ZNF335: variants seen among roughly 807,000 people sequenced by gnomAD.
ZNF335 encodes the protein NRC-interacting factor 1.
Under a neutral mutation model 145.6 loss-of-function variants are expected in ZNF335, and 84 were observed. The observed-to-expected ratio is 0.58, with a 90% CI of 0.48 to 0.69. ZNF335 has a LOEUF of 0.69. Ranked by LOEUF, ZNF335 falls within the 30% of genes least tolerant of loss-of-function variation. ZNF335 has a pLI of 0.00. For synonymous variants in ZNF335, 761 were observed against 717.0 expected (o/e 1.06, Z -0.98); for missense variants, 1,865 against 1,809.7 (o/e 1.03, Z -0.55).
intron 18 of ZNF335, among the ~76,000 whole-genome samples, 155 bp downstream of exon 18, chr20:45,953,534 C>G (rs546532177): frequency 6.6e-6 from 1 of 152,224 alleles, no homozygotes; most frequent in Non-Finnish European, 1.5e-5. Flanking sequence ...AATGGTAGCT[C>G]TTGACCTCCT....
chr20:45,957,534 G>A, intron 17 of ZNF335, 52 bp downstream of exon 17: 2 of 1,560,168 alleles, frequency 1.3e-6, no homozygotes, highest in East Asian at 4.5e-5. Context: ...TCCAGTGCAG[G>A]GCTGGGTACC....
chr20:45,962,062 A>T lies in ZNF335; in HGVS notation c.1646+8T>A, dbSNP rs543622714. Reference sequence around the variant, plus strand: ...TCTTGCCCAGGTCCCTCCCACCCCCACACTGACCGGTCCCGGCTGTGCACA... The same window carrying T: ...TCTTGCCCAGGTCCCTCCCACCCCCTCACTGACCGGTCCCGGCTGTGCACA... On this transcript the variant is annotated splice_region_variant and intron_variant, in intron 10 of 27. Transcript: ENST00000322927. 1.0e-6 allele frequency: 1 copy of T among 992,368 alleles called. No individual in the cohort carries two copies. The highest frequency in any genetic ancestry group is 1.9e-5 in the African/African-American group (1 of 53,846). The allele number at this position is 992,368 out of a possible 1,614,324, so 61.5% of individuals were successfully genotyped here. A position where few individuals can be genotyped will look rare whatever the true frequency, so the allele number is the denominator to read the frequency against.
In ZNF335 at chr20:45,960,692, C is replaced by A. The variant is rs150978634; in HGVS notation, c.1706G>T (p.Arg569Leu). The A allele has an allele frequency of 6.2e-7, 1 of 1,614,086 alleles. No individual in the cohort carries two copies. Among genetic ancestry groups the A allele is most frequent in the Non-Finnish European group, 8.5e-7 (1 of 1,180,020 alleles). The change falls in exon 12 of 28, where the codon CGT becomes CTT. Residue 569 changes from arginine (R) to leucine (L), a missense_variant. Arg to Leu is a moderately radical substitution (Grantham distance 102). Coordinates refer to ENST00000322927, the MANE Select transcript of ZNF335 (RefSeq NM_022095.4). ...GAGTCTTTTCTGCATGGGGTACACA[C>A]GGCCACACACAGGGCAGGGGAAAGA... ...LSSFPCPVCG[R>L]VYPMQKRLTQ...
chr20:45,950,709 C>T (rs1568805107), intron 20 of ZNF335, 114 bp from the exon 21 acceptor site: 1 of 1,452,910 alleles, frequency 6.9e-7, no homozygotes, highest in Admixed American at 1.9e-5. Context: ...CTGGGAAAAC[C>T]AAAATCCTGT....
chr20:45,949,034 T>C lies in ZNF335; in HGVS notation c.3948A>G (p.Thr1316=). 1 of 1,613,942 alleles carries C rather than the reference T, an allele frequency of 6.2e-7. No individual in the cohort carries two copies. Among genetic ancestry groups the C allele is most frequent in the Non-Finnish European group, 8.5e-7 (1 of 1,180,022 alleles). The part of the protein sequence containing the change: ...AMAQAQGLFG[T]DETVPEHIQQ... ...GAATGTGTTCGGGCACTGTCTCGTC[T>C]GTACCAAACAGGCCCTGGGCTTGGG... The change falls in exon 28 of 28, where the codon ACA becomes ACG. Residue 1316 remains threonine (T), a synonymous_variant. Coordinates refer to ENST00000322927, the MANE Select transcript of ZNF335 (RefSeq NM_022095.4).
chr20:45,952,229 C>T lies in ZNF335; in HGVS notation c.3107G>A (p.Ser1036Asn), dbSNP rs779173070. 1.2e-6 allele frequency: 2 copies of T among 1,613,114 alleles called. No homozygotes were observed. Among genetic ancestry groups the T allele is most frequent in the African/African-American group, 1.3e-5 (1 of 74,954 alleles). ...AGGCCCAGCGTGGGCCCGCTTGTGA[C>T]TCTCCATCTCAGCTCGGCCAGGGAA... is the stretch of plus-strand genomic sequence containing the variant. ...EAFPGRAEME[S>N]HKRAHAGPGA... The change falls in exon 20 of 28, where the codon AGT becomes AAT. Residue 1036 changes from serine (S) to asparagine (N), a missense_variant. Coordinates refer to ENST00000322927, the MANE Select transcript of ZNF335 (RefSeq NM_022095.4).
intron 14 of ZNF335, 30 bp downstream of exon 14, chr20:45,960,178 T>A: frequency 6.2e-7 from 1 of 1,611,844 alleles, no homozygotes; most frequent in Non-Finnish European, 8.5e-7. Context: ...TGAGGGCTGG[T>A]GAGTGGGGCT....
intron 17 of ZNF335, among the ~76,000 whole-genome samples, chr20:45,955,587 G>T (rs557759054): frequency 6.6e-6 from 1 of 152,052 alleles, no homozygotes; most frequent in Admixed American, 6.6e-5. Context: ...GGGAGGCCAA[G>T]GCAGGCAGAT....
Position 45,949,354 on chromosome 20 carries a change from G to A in ZNF335, c.3798C>T (p.Ala1266=), listed in dbSNP as rs1568802518. 1 of 1,614,012 alleles carries A rather than the reference G, an allele frequency of 6.2e-7. No homozygotes were observed. The highest frequency in any genetic ancestry group is 1.3e-5 in the African/African-American group (1 of 74,906). Reference sequence around the variant, plus strand: ...CTACCTGGGACTCCTGAAGGAACGGGGCTCCTTGTTCATACTGGATGTGTG... The same window carrying A: ...CTACCTGGGACTCCTGAAGGAACGGAGCTCCTTGTTCATACTGGATGTGTG... The part of the protein sequence containing the change: ...QITHIQYEQG[A]PFLQESQIQY... The change falls in exon 26 of 28, where the codon GCC becomes GCT. Residue 1266 remains alanine, a synonymous_variant. Coordinates refer to ENST00000322927, the MANE Select transcript of ZNF335 (RefSeq NM_022095.4).
At chr20:45,952,739 G>T (rs777240637) in intron 18 of ZNF335, 30 bp from the exon 19 acceptor site, 6 of 1,604,726 alleles carry the variant, frequency 3.7e-6, no homozygotes, top group Non-Finnish European at 5.1e-6. Context: ...TCTAGGAGAA[G>T]ATGGAGGGCC....
At chr20:45,957,956 G>C (rs563101117) in intron 15 of ZNF335, 28 bp from the exon 16 acceptor site, 16 of 1,580,278 alleles carry the variant, frequency 1.0e-5, no homozygotes, top group East Asian at 4.5e-5. Flanking sequence ...GGCCACGCCT[G>C]AGAGGGGCCA....
At position 45,948,764 on chromosome 20, in the gene ZNF335, C is replaced by T. The variant is rs1311044239; in HGVS notation, c.*189G>A. ...AAGCCTGCCTGCAGGCTGGGGCACC[C>T]AGCATGTCCTGGCTGGGGCCCATGG... On this transcript the variant is annotated 3_prime_UTR_variant, in exon 28 of 28. Transcript: ENST00000322927. The T allele has an allele frequency of 8.3e-6, 7 of 846,224 alleles. No homozygotes were observed. The highest frequency in any genetic ancestry group is 2.7e-5 in the Admixed American group (1 of 37,156). 52.4% of individuals were successfully genotyped at this position (846,224 alleles called of 1,614,324 possible).
In ZNF335 at chr20:45,963,813, C is replaced by A. The variant is rs2083897739; in HGVS notation, c.1280G>T (p.Cys427Phe). ...GGGCAGAGTGTCATGCTCATCCGGG[C>A]AGGAGGGGGCTGCGTTCTCTGCATC... ...QSDAENAAPS[C>F]PDEHDTLPRR... Residue 427 changes from cysteine to phenylalanine, a missense_variant, in exon 8 of 28, where the codon TGC (cysteine) becomes TTC (phenylalanine). Physicochemically the swap from Cys to Phe is radical, Grantham distance 205 (BLOSUM62 -2). Coordinates refer to ENST00000322927, the MANE Select transcript of ZNF335 (RefSeq NM_022095.4). 6.2e-7 allele frequency: 1 copy of A among 1,614,056 alleles called. No homozygotes were observed. The highest frequency in any genetic ancestry group is 8.5e-7 in the Non-Finnish European group (1 of 1,179,982).
In ZNF335 at chr20:45,949,808, C is replaced by G; in HGVS notation, c.3661G>C (p.Asp1221His). 1 of 1,614,066 alleles carries G rather than the reference C, an allele frequency of 6.2e-7. No homozygotes were observed. The highest frequency in any genetic ancestry group is 8.5e-7 in the Non-Finnish European group (1 of 1,179,998). The change falls in exon 24 of 28, where the codon GAC (aspartate) becomes CAC (histidine). Residue 1221 changes from aspartate to histidine, a missense_variant. Transcript: ENST00000322927. ...GQTVQHLVTS[D>H]NQVQYIISQD... is the part of the protein sequence containing the mutation. ...AGTAGCTAGTAGCTCACCTGGTTGT[C>G]GGAGGTCACCAGGTGCTGTACGGTC...
chr20:45,959,628 A>T (rs1242125121), intron 14 of ZNF335, among the ~76,000 whole-genome samples, 195 bp from the exon 15 acceptor site: 1 of 152,152 alleles, frequency 6.6e-6, no homozygotes, highest in Non-Finnish European at 1.5e-5. Context: ...TCTGCACTCA[A>T]GAGCCTTCCT....
rs1288244006 is a variant in ZNF335, at chr20:45,960,890, G to A, written c.1647-8C>T. 1 of 1,613,338 alleles carries A rather than the reference G, an allele frequency of 6.2e-7. No individual in the cohort carries two copies. The highest frequency in any genetic ancestry group is 8.5e-7 in the Non-Finnish European group (1 of 1,179,764). ...GGATCTGGCCTCTTCTTCCTGTGGGGAAAAGGCCGAGGAATTAGACCAGAG... is the reference window on the plus strand; with the variant it reads ...GGATCTGGCCTCTTCTTCCTGTGGGAAAAAGGCCGAGGAATTAGACCAGAG... On this transcript the variant is annotated splice_region_variant and splice_polypyrimidine_tract_variant and intron_variant, in intron 10 of 27. Transcript: ENST00000322927.
chr20:45,962,230 C>A, intron 9 of ZNF335, 48 bp from the exon 10 acceptor site: 1 of 1,441,264 alleles, frequency 6.9e-7, no homozygotes, highest in Non-Finnish European at 9.8e-7. Context: ...GCCTCCTCTC[C>A]CATCCCCGTC....
chr20:45,951,730 A>G (rs1436950067), intron 20 of ZNF335, among the ~76,000 whole-genome samples: 2 of 152,216 alleles, frequency 1.3e-5, no homozygotes, highest in Non-Finnish European at 2.9e-5. Context: ...CTAACAGGCC[A>G]TGGATGACTA....
At position 45,967,981 on chromosome 20, in the gene ZNF335, G is replaced by A. The variant is rs573484161; in HGVS notation, c.567C>T (p.Ser189=). The A allele has an allele frequency of 2.1e-5, 34 of 1,612,782 alleles. No homozygotes were observed. The South Asian group carries it at 3.0e-4, about 14-fold the overall frequency. ...SPMSSSTLAH[S]LAAIEALADG... Reference sequence around the variant, plus strand: ...CTGCCAGGGCCTCAATGGCTGCTAGGCTGTGGGCCAAGGTGGAACTGGACA... The same window carrying A: ...CTGCCAGGGCCTCAATGGCTGCTAGACTGTGGGCCAAGGTGGAACTGGACA... The change falls in exon 5 of 28, where the codon AGC becomes AGT. Residue 189 remains serine, a synonymous_variant. Coordinates refer to ENST00000322927, the MANE Select transcript of ZNF335 (RefSeq NM_022095.4).
Sources: allele counts gnomAD v4.1 joint callset (sites outside exome capture counted in the v4.1 genomes callset), GRCh38; gene constraint gnomAD v4.1.1; transcripts MANE v1.5; gene names NCBI Gene and HGNC (gene_info 2026-07-23, HGNC 2026-07-21).